The following TMEM47 variants were observed in gnomAD, a reference collection of about 807,000 sequenced individuals.
TMEM47 encodes brain cell membrane protein 1.
A neutral mutation model predicts 12.4 loss-of-function variants in TMEM47; 3 were observed. That is an observed-to-expected ratio of 0.24 (90% CI 0.11 to 0.63). The LOEUF is 0.63. TMEM47 is among the 20% of genes least tolerant of loss of function. The pLI, the probability that TMEM47 is intolerant of heterozygous loss-of-function variation, is 0.86. For missense variants in TMEM47, 89 were observed against 143.8 expected (o/e 0.62, Z 1.95); for synonymous variants, 62 against 63.3 (o/e 0.98, Z 0.10).
chrX:34,642,137 G>A (rs917531843), intron 1 of TMEM47, among the ~76,000 whole-genome samples: 8 of 112,651 alleles, frequency 7.1e-5, no homozygotes, highest in Non-Finnish European at 1.1e-4. Context: ...GATTACAGGC[G>A]TGAGCCACTG....
chrX:34,635,029 C>T (rs964774411), intron 2 of TMEM47, among the ~76,000 whole-genome samples: 3 of 111,777 alleles, frequency 2.7e-5, no homozygotes, highest in Non-Finnish European at 5.6e-5. Flanking sequence ...ACATGCTACC[C>T]TGACTTCCAA....
At chrX:34,646,182 T>C (rs1446069800) in intron 1 of TMEM47, among the ~76,000 whole-genome samples, 2 of 111,440 alleles carry the variant, frequency 1.8e-5, no homozygotes, top group Non-Finnish European at 3.8e-5. Context: ...CTTGGAGTTG[T>C]TTTATGTTGA....
chrX:34,636,608 T>C (rs921389657), intron 2 of TMEM47, among the ~76,000 whole-genome samples: 7 of 111,806 alleles, frequency 6.3e-5, no homozygotes, highest in African/African-American at 2.3e-4. Context: ...ATGCCAGTTA[T>C]CAGAATCACA....
intron 2 of TMEM47, among the ~76,000 whole-genome samples, chrX:34,632,757 T>C (rs779653747): frequency 9.0e-6 from 1 of 111,658 alleles, no homozygotes; most frequent in Non-Finnish European, 1.9e-5. Context: ...TGACGGCATA[T>C]TGTATGACCC....
At chrX:34,654,919 C>T (rs763735114) in intron 1 of TMEM47, among the ~76,000 whole-genome samples, 2 of 111,877 alleles carry the variant, frequency 1.8e-5, no homozygotes, top group South Asian at 7.5e-4. Flanking sequence ...AAATCCCAAA[C>T]TGGGCCTGCC....
intron 1 of TMEM47, among the ~76,000 whole-genome samples, chrX:34,648,082 T>C (rs1921946044): frequency 2.7e-5 from 3 of 112,063 alleles, no homozygotes; most frequent in Admixed American, 9.5e-5. Context: ...TCCATGCTCA[T>C]GGATAGGAAG....
chrX:34,641,030 A>G (rs1445280198), intron 1 of TMEM47, among the ~76,000 whole-genome samples: 1 of 110,453 alleles, frequency 9.1e-6, no homozygotes, highest in Non-Finnish European at 1.9e-5. Context: ...TTTTAACTAG[A>G]AGTTAAAAGG....
Sources: allele counts gnomAD v4.1 joint callset (sites outside exome capture counted in the v4.1 genomes callset), GRCh38; gene constraint gnomAD v4.1.1; transcripts MANE v1.5; gene names NCBI Gene and HGNC (gene_info 2026-07-23, HGNC 2026-07-21).